Variants in PCDHA13 observed in about 807,000 individuals in gnomAD.
The protein encoded by PCDHA13 is protocadherin alpha-13.
PCDHA13 carries 54 observed loss-of-function variants against 64.8 expected under a neutral mutation model. The ratio of observed to expected loss-of-function variants is 0.83; its 90% CI spans 0.67 to 1.04. PCDHA13 has a LOEUF of 1.04. Ranked by LOEUF, PCDHA13 falls within the 50% of genes least tolerant of loss-of-function variation. The pLI is 0.00. For missense variants in PCDHA13, 1,248 were observed against 1,254.3 expected, an observed-to-expected ratio of 0.99 and a Z score of 0.08; for synonymous variants, 587 against 564.4, an observed-to-expected ratio of 1.04 and a Z score of -0.57.
At chr5:140,928,134 G>T in intron 1 of PCDHA13, 1 of 1,614,180 alleles carries the variant, frequency 6.2e-7, no homozygotes, top group Non-Finnish European at 8.5e-7. Flanking sequence ...ACCAAGTCCT[G>T]ATCACGGCCT....
intron 1 of PCDHA13, among the ~76,000 whole-genome samples, chr5:140,940,470 AT>A (rs201096499): frequency 2.7e-5 from 4 of 149,646 alleles, no homozygotes; most frequent in South Asian, 2.1e-4. Flanking sequence ...GTTCCCTGCA[AT>A]TTTTTTTTTC....
At chr5:140,967,102 G>A (rs1279026258) in intron 1 of PCDHA13, 1 of 1,612,978 alleles carries the variant, frequency 6.2e-7, no homozygotes, top group African/African-American at 1.3e-5. Context: ...CGCTGTGTGA[G>A]CAGCGGCCTC....
At chr5:140,995,515 C>T (rs1476035141) in intron 3 of PCDHA13, among the ~76,000 whole-genome samples, 2 of 152,078 alleles carry the variant, frequency 1.3e-5, no homozygotes, top group East Asian at 1.9e-4. Context: ...TAACTGAAGC[C>T]TCAGAAATCA....
chr5:140,900,141 A>G (rs2067777266), intron 1 of PCDHA13, among the ~76,000 whole-genome samples: 1 of 152,202 alleles, frequency 6.6e-6, no homozygotes, highest in Middle Eastern at 3.2e-3. Context: ...ACAAATAAGT[A>G]AGAACATACG....
chr5:140,938,599 C>T (rs1554212246), intron 1 of PCDHA13, among the ~76,000 whole-genome samples: 1 of 152,048 alleles, frequency 6.6e-6, no homozygotes, highest in African/African-American at 2.4e-5. Flanking sequence ...ATAAACCAAT[C>T]TTGCATTCTT....
chr5:140,975,216 G>C (rs1349439819), intron 1 of PCDHA13, among the ~76,000 whole-genome samples: 1 of 152,198 alleles, frequency 6.6e-6, no homozygotes, highest in Admixed American at 6.5e-5. Flanking sequence ...TGGCACTGGA[G>C]AATCTTCCCT....
intron 1 of PCDHA13, among the ~76,000 whole-genome samples, chr5:140,885,299 G>A (rs904206700): frequency 3.9e-5 from 6 of 152,042 alleles, no homozygotes; most frequent in African/African-American, 1.4e-4. Context: ...GAGAGACCTG[G>A]TAGGCTTTTT....
At chr5:140,944,383 C>T (rs1344204416) in intron 1 of PCDHA13, among the ~76,000 whole-genome samples, 1 of 152,084 alleles carries the variant, frequency 6.6e-6, no homozygotes, top group African/African-American at 2.4e-5. Context: ...GATGGAGTCT[C>T]ACTGTGTTAT....
At chr5:140,927,619 C>T (rs2084429859) in intron 1 of PCDHA13, 3 of 1,614,170 alleles carry the variant, frequency 1.9e-6, no homozygotes, top group Non-Finnish European at 2.5e-6. Flanking sequence ...CACCAAGGTT[C>T]CAGAGACTGC....
At chr5:140,900,058 C>G (rs1013599044) in intron 1 of PCDHA13, among the ~76,000 whole-genome samples, 1 of 152,160 alleles carries the variant, frequency 6.6e-6, no homozygotes, top group Non-Finnish European at 1.5e-5. Flanking sequence ...GATCCTTTAA[C>G]CTCAGCCTCC....
chr5:140,888,441 A>G (rs2061829051), intron 1 of PCDHA13, among the ~76,000 whole-genome samples: 1 of 152,222 alleles, frequency 6.6e-6, no homozygotes, highest in African/African-American at 2.4e-5. Context: ...CAGCCGCCCA[A>G]CAATAAAGAA....
chr5:140,997,565 A>T (rs552009994), intron 3 of PCDHA13, among the ~76,000 whole-genome samples: 1 of 152,174 alleles, frequency 6.6e-6, no homozygotes, highest in Non-Finnish European at 1.5e-5. Context: ...CAACTGTCAT[A>T]TGTGTGGTCC....
At chr5:140,924,244 C>G (rs1375839311) in intron 1 of PCDHA13, among the ~76,000 whole-genome samples, 1 of 152,152 alleles carries the variant, frequency 6.6e-6, no homozygotes, top group Non-Finnish European at 1.5e-5. Context: ...TGTTTTGCAT[C>G]CTGGTGAGAT....
intron 1 of PCDHA13, among the ~76,000 whole-genome samples, chr5:140,918,605 G>T (rs2078775246): frequency 6.6e-6 from 1 of 152,198 alleles, no homozygotes; most frequent in Non-Finnish European, 1.5e-5. Flanking sequence ...ATGTTGCTAT[G>T]ATATGAATGT....
chr5:140,970,425 C>T (rs1554232453), intron 1 of PCDHA13, among the ~76,000 whole-genome samples: 1 of 151,722 alleles, frequency 6.6e-6, no homozygotes, highest in Non-Finnish European at 1.5e-5. Flanking sequence ...GGTGTAGAGG[C>T]AGGTGTTAGT....
chr5:140,897,877 C>T (rs1554187641), intron 1 of PCDHA13, among the ~76,000 whole-genome samples: 1 of 152,154 alleles, frequency 6.6e-6, no homozygotes, highest in Non-Finnish European at 1.5e-5. Flanking sequence ...TAATGATTGC[C>T]ATTCTAACTG....
chr5:140,953,293 G>A (rs1410676265), intron 1 of PCDHA13, among the ~76,000 whole-genome samples: 3 of 152,084 alleles, frequency 2.0e-5, no homozygotes, highest in Admixed American at 2.0e-4. Context: ...GTGATTCAGG[G>A]ACGGCAGAGA....
chr5:140,958,084 T>C (rs2095408627), intron 1 of PCDHA13, among the ~76,000 whole-genome samples: 1 of 152,110 alleles, frequency 6.6e-6, no homozygotes, highest in African/African-American at 2.4e-5. Flanking sequence ...AAAAGTAAAG[T>C]TGTACAATAG....
intron 1 of PCDHA13, among the ~76,000 whole-genome samples, chr5:140,917,740 C>T (rs1257665291): frequency 6.6e-6 from 1 of 152,090 alleles, no homozygotes; most frequent in Non-Finnish European, 1.5e-5. Context: ...TCTAACCTGT[C>T]CCATTGGTCT....
Sources: gnomAD v4.1 joint callset for allele counts (sites outside exome capture counted in the v4.1 genomes callset) on GRCh38, gnomAD v4.1.1 for gene constraint, MANE v1.5 for transcripts, NCBI Gene and HGNC (gene_info 2026-07-23, HGNC 2026-07-21) for gene names.